Variants in PPME1 observed in about 807,000 individuals in gnomAD.
PPME1 encodes the protein protein phosphatase methylesterase 1.
Under a neutral mutation model 56.9 loss-of-function variants are expected in PPME1, and 17 were observed. The observed-to-expected ratio is 0.30, with a 90% CI of 0.20 to 0.45. The LOEUF is 0.45. Among genes scored for constraint, PPME1 ranks in the 20% least tolerant of loss-of-function variants. The pLI is 1.00. For missense variants in PPME1, 357 were observed against 483.2 expected (o/e 0.74, Z 2.45); for synonymous variants, 122 against 156.2 (o/e 0.78, Z 1.63).
chr11:74,253,729 T>C lies in PPME1; in HGVS notation c.*219T>C. On this transcript the variant is annotated 3_prime_UTR_variant, in exon 14 of 14. Coordinates refer to ENST00000328257, the MANE Select transcript of PPME1 (RefSeq NM_016147.3). ...AACATCGGCTTCCCCAGTCCAGGGC[T>C]CCCCTGCTCCTTTCCCTTCCCTGTA... 1 of 609,866 alleles carries C rather than the reference T, an allele frequency of 1.6e-6. No individual in the cohort carries two copies. Among genetic ancestry groups the C allele is most frequent in the Non-Finnish European group, 2.9e-6 (1 of 342,718 alleles). 37.8% of individuals were successfully genotyped at this position (609,866 alleles called of 1,614,324 possible).
intron 1 of PPME1, among the ~76,000 whole-genome samples, chr11:74,200,668 C>A (rs1224910509): frequency 6.6e-6 from 1 of 151,996 alleles, no homozygotes; most frequent in African/African-American, 2.4e-5. Context: ...TAGGCATGAG[C>A]CACCGTGCCT....
At chr11:74,252,926 A>G (rs998757697) in intron 13 of PPME1, among the ~76,000 whole-genome samples, 2 of 152,184 alleles carry the variant, frequency 1.3e-5, no homozygotes, top group Non-Finnish European at 2.9e-5. Flanking sequence ...TGTACTGCAG[A>G]AGGCCTTTGA....
chr11:74,249,887 CAGG>C (rs1365981755), intron 11 of PPME1: 3 of 152,246 alleles, frequency 2.0e-5, no homozygotes, highest in East Asian at 1.9e-4. Context: ...CAGCTTACTG[CAGG>C]AGGAGGGGCA....
chr11:74,173,747 G>C (rs1444112012), intron 1 of PPME1, among the ~76,000 whole-genome samples: 1 of 152,064 alleles, frequency 6.6e-6, no homozygotes. Flanking sequence ...TCGCCATGTT[G>C]GCCAGGCTGG....
In PPME1 at chr11:74,204,475, T is replaced by C. The variant is rs750319241; in HGVS notation, c.288+30T>C. 4.5e-6 allele frequency: 7 copies of C among 1,543,306 alleles called. No individual in the cohort carries two copies. The East Asian group carries it at 6.8e-5, about 15-fold the overall frequency. On this transcript the variant is annotated intron_variant, in intron 3 of 13. Coordinates refer to ENST00000328257, the MANE Select transcript of PPME1 (RefSeq NM_016147.3). Reference sequence around the variant, plus strand: ...GTAGGTTGTTGATAGTACAAGTTAATGTTAGCACTTTTGAACTAATGAAAG... The same window carrying C: ...GTAGGTTGTTGATAGTACAAGTTAACGTTAGCACTTTTGAACTAATGAAAG...
intron 5 of PPME1, among the ~76,000 whole-genome samples, chr11:74,227,064 T>TG (rs2135656983): frequency 6.6e-6 from 1 of 152,136 alleles, no homozygotes; most frequent in African/African-American, 2.4e-5. Context: ...AAGCTATTCG[T>TG]GGGGAGGATC....
intron 13 of PPME1, 59 bp from the exon 14 acceptor site, chr11:74,253,433 G>A (rs1859754835): frequency 6.5e-7 from 1 of 1,538,358 alleles, no homozygotes; most frequent in Non-Finnish European, 9.0e-7. Context: ...ATACAGATAA[G>A]CAAGGGAAAG....
chr11:74,174,556 A>G (rs987707036), intron 1 of PPME1, among the ~76,000 whole-genome samples: 1 of 151,854 alleles, frequency 6.6e-6, no homozygotes, highest in Non-Finnish European at 1.5e-5. Context: ...ACTCTTAACT[A>G]TTTTTCATGA....
chr11:74,240,413 G>C (rs997065801), intron 9 of PPME1, among the ~76,000 whole-genome samples: 2 of 152,110 alleles, frequency 1.3e-5, no homozygotes, highest in African/African-American at 4.8e-5. Flanking sequence ...GTACTTGCCA[G>C]GCAAGTAGTG....
chr11:74,172,849 G>T (rs1857305422), intron 1 of PPME1, among the ~76,000 whole-genome samples: 1 of 152,216 alleles, frequency 6.6e-6, no homozygotes, highest in Admixed American at 6.5e-5. Context: ...GACTACAGAA[G>T]AGAAACCTTA....
chr11:74,229,772 A>T (rs1859021076), intron 5 of PPME1, among the ~76,000 whole-genome samples: 1 of 152,230 alleles, frequency 6.6e-6, no homozygotes, highest in Non-Finnish European at 1.5e-5. Flanking sequence ...TTAAGTAACT[A>T]ACCCAAGATC....
intron 9 of PPME1, among the ~76,000 whole-genome samples, chr11:74,244,778 C>T (rs562503154): frequency 1.3e-5 from 2 of 152,282 alleles, no homozygotes; most frequent in Non-Finnish European, 2.9e-5. Flanking sequence ...TCCAAGAAAT[C>T]ATTACCAAGT....
chr11:74,217,313 G>A (rs1024316138), intron 3 of PPME1, among the ~76,000 whole-genome samples: 4 of 151,996 alleles, frequency 2.6e-5, no homozygotes, highest in African/African-American at 4.8e-5. Flanking sequence ...AGGCTGAGGC[G>A]GGTGGATCAC....
intron 1 of PPME1, among the ~76,000 whole-genome samples, chr11:74,197,196 A>T (rs1858007000): frequency 6.6e-6 from 1 of 152,232 alleles, no homozygotes; most frequent in Non-Finnish European, 1.5e-5. Flanking sequence ...TTAAGTAAGG[A>T]TTATTAGCCT....
chr11:74,175,107 G>A (rs895722923), intron 1 of PPME1, among the ~76,000 whole-genome samples: 1 of 152,180 alleles, frequency 6.6e-6, no homozygotes, highest in Non-Finnish European at 1.5e-5. Context: ...CTTGAGAGAA[G>A]TATCTTTTGA....
In PPME1 at chr11:74,254,309, A is replaced by C. The variant is rs1859780346; in HGVS notation, c.*799A>C. Reference sequence around the variant, plus strand: ...GCCTATGGAATTGTTTTTAATCATCAAATTTAACCATTTTCATAACTGGTT... The same window carrying C: ...GCCTATGGAATTGTTTTTAATCATCCAATTTAACCATTTTCATAACTGGTT... On this transcript the variant is annotated 3_prime_UTR_variant, in exon 14 of 14. Transcript: ENST00000328257. 6.5e-6 allele frequency: 1 copy of C among 152,764 alleles called. No individual in the cohort carries two copies. Among genetic ancestry groups the C allele is most frequent in the South Asian group, 2.1e-4 (1 of 4,834 alleles). The allele number at this position is 152,764 out of a possible 1,614,324, so 9.5% of individuals were successfully genotyped here. A position where few individuals can be genotyped will look rare whatever the true frequency, so the allele number is the denominator to read the frequency against.
At chr11:74,210,529 A>G (rs1475255642) in intron 3 of PPME1, among the ~76,000 whole-genome samples, 1 of 152,138 alleles carries the variant, frequency 6.6e-6, no homozygotes, top group Non-Finnish European at 1.5e-5. Flanking sequence ...AGGTCATGGG[A>G]GTGGATCCTT....
Position 74,206,556 on chromosome 11 carries a change from T to C in PPME1, c.288+2111T>C, listed in dbSNP as rs76788818. ...AAAGACTTGGGAGACATAATATTTG[T>C]TTTCAGTTGTATTTTATTTATGTAT... is the stretch of plus-strand genomic sequence containing the variant. On this transcript the variant is annotated intron_variant, in intron 3 of 13. Transcript: ENST00000328257. Among the ~76,000 whole-genome samples the C allele has an allele frequency of 3.1e-3, 473 of 152,186 alleles. 1 individual carries two copies. Among genetic ancestry groups the C allele is most frequent in the Admixed American group, 5.3e-3 (81 of 15,276 alleles).
At chr11:74,249,867 C>T (rs1163118485) in intron 11 of PPME1, 2 of 152,232 alleles carry the variant, frequency 1.3e-5, no homozygotes, top group Non-Finnish European at 2.9e-5. Context: ...CTTGAGCACC[C>T]AGAGAGAGGC....
Sources: allele counts gnomAD v4.1 joint callset (sites outside exome capture counted in the v4.1 genomes callset), GRCh38; gene constraint gnomAD v4.1.1; transcripts MANE v1.5; gene names NCBI Gene and HGNC (gene_info 2026-07-23, HGNC 2026-07-21).